CTNNA1: variants seen among roughly 807,000 people sequenced by gnomAD.
CTNNA1 encodes the protein catenin alpha-1.
Under a neutral mutation model 98.4 loss-of-function variants are expected in CTNNA1, and 37 were observed. The observed-to-expected ratio is 0.38, with a 90% CI of 0.29 to 0.49. The LOEUF (loss-of-function observed/expected upper bound fraction) is 0.49, where lower values mean the gene tolerates loss of function less well. Ranked by LOEUF, CTNNA1 falls within the 20% of genes least tolerant of loss-of-function variation. The probability of loss-of-function intolerance (pLI) is 0.95; values close to 1 mark genes in which losing one functional copy is unlikely to be tolerated. For missense variants in CTNNA1, 761 were observed against 1,147.2 expected (o/e 0.66, Z 4.86); for synonymous variants, 404 against 413.2 (o/e 0.98, Z 0.27).
chr5:138,924,788 G>C, intron 12 of CTNNA1, 78 bp downstream of exon 12: 1 of 1,307,816 alleles, frequency 7.6e-7, no homozygotes, highest in Non-Finnish European at 1.1e-6. Context: ...GCCCAGCCCT[G>C]TGGTGAGGAA....
chr5:138,840,388 C>T (rs901617618), intron 7 of CTNNA1, among the ~76,000 whole-genome samples: 8 of 152,172 alleles, frequency 5.3e-5, no homozygotes, highest in African/African-American at 1.9e-4. Context: ...CTCTCCCTCT[C>T]CTCTCGTGTG....
chr5:138,837,315 G>A (rs919115038), intron 7 of CTNNA1, among the ~76,000 whole-genome samples: 1 of 152,100 alleles, frequency 6.6e-6, no homozygotes, highest in African/African-American at 2.4e-5. Flanking sequence ...TGGTCTAGGG[G>A]TTGACAAATT....
rs1262642795 is a variant in CTNNA1, at chr5:138,810,138, T to C, written c.402T>C (p.Ala134=). The part of the protein sequence containing the change: ...MVRAARALLS[A]VTRLLILADM... Reference sequence around the variant, plus strand: ...GGGCAGCTCGAGCTTTGCTCTCTGCTGTTACCCGGTTGCTGATTTTGGCTG... The same window carrying C: ...GGGCAGCTCGAGCTTTGCTCTCTGCCGTTACCCGGTTGCTGATTTTGGCTG... The change falls in exon 4 of 18, where the codon GCT becomes GCC. Residue 134 remains alanine, a synonymous_variant. Transcript: ENST00000302763. 3 of 1,614,066 alleles carry C rather than the reference T, an allele frequency of 1.9e-6. No homozygotes were observed. The African/African-American group carries it at 4.0e-5, about 22-fold the overall frequency.
intron 1 of CTNNA1, among the ~76,000 whole-genome samples, chr5:138,777,748 C>T (rs1398984349): frequency 6.6e-6 from 1 of 151,168 alleles, no homozygotes; most frequent in Non-Finnish European, 1.5e-5. Context: ...ATCACAGGCA[C>T]TCGGCAGGCT....
intron 3 of CTNNA1, among the ~76,000 whole-genome samples, chr5:138,786,432 T>C (rs1416363121): frequency 1.3e-5 from 2 of 152,190 alleles, no homozygotes; most frequent in Admixed American, 6.5e-5. Context: ...TTACTCATCG[T>C]TTGAAACCCT....
chr5:138,921,527 A>G (rs1316773908), intron 11 of CTNNA1, among the ~76,000 whole-genome samples: 1 of 152,050 alleles, frequency 6.6e-6, no homozygotes, highest in Non-Finnish European at 1.5e-5. Flanking sequence ...TTTTGTGTTT[A>G]ATAGCAGAAA....
chr5:138,878,969 T>C (rs773187837), intron 7 of CTNNA1, among the ~76,000 whole-genome samples: 13 of 151,858 alleles, frequency 8.6e-5, no homozygotes, highest in Admixed American at 6.6e-5. Context: ...CCCAGCACTT[T>C]AGGAGGCTGA....
At chr5:138,805,440 A>G (rs947417000) in intron 3 of CTNNA1, among the ~76,000 whole-genome samples, 2 of 152,008 alleles carry the variant, frequency 1.3e-5, no homozygotes, top group Non-Finnish European at 2.9e-5. Context: ...CTTTTTTATT[A>G]TAGCCATCCT....
intron 7 of CTNNA1, among the ~76,000 whole-genome samples, chr5:138,858,576 TTTTTTC>T (rs1554090748): frequency 1.1e-5 from 1 of 91,786 alleles, no homozygotes; most frequent in African/African-American, 4.9e-5. Context: ...TATTTGGCTT[TTTTTTC>T]TTTTTCTTTT....
intron 13 of CTNNA1, 116 bp downstream of exon 13, chr5:138,925,523 T>A (rs1044402761): frequency 1.5e-6 from 2 of 1,373,136 alleles, no homozygotes; most frequent in African/African-American, 2.9e-5. Flanking sequence ...AAACCATGAA[T>A]CTAAAAGCTG....
intron 11 of CTNNA1, among the ~76,000 whole-genome samples, chr5:138,920,963 A>C (rs1218591318): frequency 6.6e-6 from 1 of 151,770 alleles, no homozygotes; most frequent in Non-Finnish European, 1.5e-5. Flanking sequence ...GGGCGGGGGG[A>C]ACTTTGATCA....
intron 3 of CTNNA1, among the ~76,000 whole-genome samples, chr5:138,786,463 GCA>G (rs543623779): frequency 1.1e-3 from 167 of 152,214 alleles, no homozygotes; most frequent in African/African-American, 3.6e-3. Flanking sequence ...TAATAGGTCT[GCA>G]GATTCTTTGG....
chr5:138,896,776 A>G (rs1756910043), intron 9 of CTNNA1, among the ~76,000 whole-genome samples: 1 of 152,138 alleles, frequency 6.6e-6, no homozygotes, highest in Non-Finnish European at 1.5e-5. Flanking sequence ...CTCCCCTATC[A>G]AGTTCATGAT....
intron 9 of CTNNA1, among the ~76,000 whole-genome samples, chr5:138,893,002 A>G (rs1291510024): frequency 2.0e-5 from 3 of 152,200 alleles, no homozygotes; most frequent in African/African-American, 7.2e-5. Context: ...AGCAATAGAG[A>G]TAGACTCCGT....
Position 138,924,701 on chromosome 5 carries a change from T to C in CTNNA1, c.1738T>C (p.Ser580Pro). 1.3e-6 allele frequency: 2 copies of C among 1,574,380 alleles called. No individual in the cohort carries two copies. Among genetic ancestry groups the C allele is most frequent in the East Asian group, 2.3e-5 (1 of 42,770 alleles). ...EKVLEATKLL[S>P]NTVMPRFTEQ... ...GGTTCTGGAAGCCACTAAGCTGCTC[T>C]CCAACACAGGTACGGGAACTCTCCC... Residue 580 changes from serine (S) to proline (P), a missense_variant, in exon 12 of 18, where the codon TCC (serine) becomes CCC (proline). Physicochemically the swap from Ser to Pro is moderately conservative, Grantham distance 74. Around this residue, in one of 6 missense-constraint regions of CTNNA1, gnomAD observed 287 missense variants for 436.0 expected, o/e 0.66. Transcript: ENST00000302763.
At chr5:138,758,544 T>G (rs148373607) in intron 1 of CTNNA1, among the ~76,000 whole-genome samples, 1 of 152,198 alleles carries the variant, frequency 6.6e-6, no homozygotes, top group African/African-American at 2.4e-5. Context: ...GCCCAGCTAA[T>G]TTTTGTATTT....
chr5:138,772,087 A>G (rs1209603969), intron 1 of CTNNA1, among the ~76,000 whole-genome samples: 1 of 152,176 alleles, frequency 6.6e-6, no homozygotes, highest in African/African-American at 2.4e-5. Context: ...TCTTTGCACA[A>G]ATGAGGCAGT....
At chr5:138,893,265 CTT>C (rs1755916436) in intron 9 of CTNNA1, among the ~76,000 whole-genome samples, 1 of 152,132 alleles carries the variant, frequency 6.6e-6, no homozygotes, top group Non-Finnish European at 1.5e-5. Flanking sequence ...TGCCTTCAGC[CTT>C]TTGGGCAGCA....
At chr5:138,910,380 C>T (rs1760343401) in intron 10 of CTNNA1, among the ~76,000 whole-genome samples, 2 of 151,534 alleles carry the variant, frequency 1.3e-5, no homozygotes, top group Admixed American at 6.6e-5. Context: ...TTAATGATGA[C>T]TGCAGTTTCT....
Sources: allele counts gnomAD v4.1 joint callset (sites outside exome capture counted in the v4.1 genomes callset), GRCh38; gene constraint gnomAD v4.1.1; regional missense constraint gnomAD v4.1.1; transcripts MANE v1.5; gene names NCBI Gene and HGNC (gene_info 2026-07-23, HGNC 2026-07-21).